Variants in GRIA3 observed in about 807,000 individuals in gnomAD.
The protein encoded by GRIA3 is glutamate receptor 3.
Under a neutral mutation model 63.0 loss-of-function variants are expected in GRIA3, and 3 were observed. The observed-to-expected ratio is 0.05, with a 90% confidence interval of 0.02 to 0.12. GRIA3 has a LOEUF of 0.12. GRIA3 is among the 10% of genes least tolerant of loss of function. The probability of loss-of-function intolerance (pLI) is 1.00; values close to 1 mark genes in which losing one functional copy is unlikely to be tolerated. For synonymous variants in GRIA3, 274 were observed against 257.9 expected, an observed-to-expected ratio of 1.06 and a Z score of -0.60; for missense variants, 347 against 700.9, an observed-to-expected ratio of 0.50 and a Z score of 5.70.
chrX:123,307,634 T>C (rs1232419831), intron 3 of GRIA3, among the ~76,000 whole-genome samples: 1 of 111,868 alleles, frequency 8.9e-6, no homozygotes, highest in Non-Finnish European at 1.9e-5. Flanking sequence ...TAGAGTTTCA[T>C]ATCAGATGCC....
intron 2 of GRIA3, among the ~76,000 whole-genome samples, chrX:123,187,454 G>A (rs958025014): frequency 8.9e-6 from 1 of 112,019 alleles, no homozygotes; most frequent in Non-Finnish European, 1.9e-5. Flanking sequence ...CGAAATGTCT[G>A]TCTATACTTT....
chrX:123,450,191 T>A (rs946053328), intron 12 of GRIA3, among the ~76,000 whole-genome samples: 2 of 112,375 alleles, frequency 1.8e-5, no homozygotes, highest in African/African-American at 6.5e-5. Context: ...ACAGAAGGCA[T>A]GATCTCTAAT....
rs185672082 is a variant in GRIA3 at position 123,205,079 on chromosome X, C to T, written c.268+19089C>T. 9.7e-4 allele frequency among the ~76,000 whole-genome samples: 108 copies of T among 111,475 alleles called. 1 individual carries two copies. Among genetic ancestry groups the T allele is most frequent in the Admixed American group, 1.5e-3 (16 of 10,470 alleles). ...GTTGGCGGCACTTTACTGGGAGCAT[C>T]GGGTAGAAAATCTAATACATAATAA... On this transcript the variant is annotated intron_variant, in intron 2 of 15. Transcript: ENST00000620443.
intron 3 of GRIA3, among the ~76,000 whole-genome samples, chrX:123,318,947 G>A (rs988776291): frequency 8.9e-6 from 1 of 111,940 alleles, no homozygotes; most frequent in African/African-American, 3.2e-5. Context: ...GGGAAGCCTC[G>A]GAATCATGGC....
In GRIA3 at chrX:123,240,210, G is replaced by T. The variant is rs141066099; in HGVS notation, c.269-13093G>T. 5.5e-3 allele frequency among the ~76,000 whole-genome samples: 621 copies of T among 112,092 alleles called. 3 individuals carry two copies. Among genetic ancestry groups the T allele is most frequent in the Non-Finnish European group, 8.4e-3 (449 of 53,171 alleles). On this transcript the variant is annotated intron_variant, in intron 2 of 15. Transcript: ENST00000620443. ...ATGCTTGTCAGATGGACATCTCAGC[G>T]TGGACCTCCTTGGCACAAAGTTTTA...
At chrX:123,317,579 G>T (rs1412321428) in intron 3 of GRIA3, among the ~76,000 whole-genome samples, 3 of 111,710 alleles carry the variant, frequency 2.7e-5, no homozygotes, top group African/African-American at 9.8e-5. Context: ...AATCCAACAG[G>T]GTAGTCAAAT....
intron 13 of GRIA3, chrX:123,465,808 C>T: frequency 9.6e-7 from 1 of 1,041,434 alleles, no homozygotes; most frequent in Non-Finnish European, 1.4e-6. Flanking sequence ...AATGTCACCA[C>T]AACCGGGTAC....
At chrX:123,366,488 A>G (rs1046194875) in intron 5 of GRIA3, among the ~76,000 whole-genome samples, 2 of 111,668 alleles carry the variant, frequency 1.8e-5, no homozygotes, top group Non-Finnish European at 3.8e-5. Context: ...TTGGTATGTC[A>G]AGGGCCATTT....
At chrX:123,227,836 C>T (rs994912738) in intron 2 of GRIA3, among the ~76,000 whole-genome samples, 2 of 112,005 alleles carry the variant, frequency 1.8e-5, no homozygotes, top group Non-Finnish European at 3.8e-5. Context: ...TGCTCTGTCA[C>T]CATCCTTTTC....
intron 3 of GRIA3, among the ~76,000 whole-genome samples, chrX:123,316,643 T>C (rs2044833418): frequency 2.7e-5 from 3 of 112,616 alleles, no homozygotes; most frequent in African/African-American, 9.7e-5. Flanking sequence ...TGTTGCAGAA[T>C]AGTTAAATAA....
At chrX:123,260,306 C>G (rs779571953) in intron 3 of GRIA3, among the ~76,000 whole-genome samples, 10 of 100,794 alleles carry the variant, frequency 9.9e-5, no homozygotes, top group Non-Finnish European at 1.8e-4. Context: ...GGATAGGCCA[C>G]TATCATGAAC....
chrX:123,318,703 G>A (rs752716480), intron 3 of GRIA3, among the ~76,000 whole-genome samples: 22 of 111,742 alleles, frequency 2.0e-4, no homozygotes, highest in Non-Finnish European at 2.3e-4. Context: ...TCTCTAGGAG[G>A]TTCCAAACTT....
At chrX:123,430,115 T>A (rs2045609628) in intron 12 of GRIA3, among the ~76,000 whole-genome samples, 1 of 112,152 alleles carries the variant, frequency 8.9e-6, no homozygotes, top group Non-Finnish European at 1.9e-5. Flanking sequence ...TTAAAGGGCA[T>A]CATATTACCA....
intron 3 of GRIA3, among the ~76,000 whole-genome samples, chrX:123,306,456 A>C (rs2147319038): frequency 8.9e-6 from 1 of 112,103 alleles, no homozygotes; most frequent in East Asian, 2.8e-4. Context: ...CATGTTCTAC[A>C]TTGGAAGCAG....
intron 2 of GRIA3, among the ~76,000 whole-genome samples, chrX:123,250,959 T>C (rs1200133202): frequency 8.9e-6 from 1 of 112,078 alleles, no homozygotes; most frequent in Non-Finnish European, 1.9e-5. Flanking sequence ...TGAGTACATG[T>C]GAGTGTGAGT....
At chrX:123,314,440 A>T (rs954450491) in intron 3 of GRIA3, among the ~76,000 whole-genome samples, 14 of 111,986 alleles carry the variant, frequency 1.3e-4, no homozygotes, top group African/African-American at 4.2e-4. Flanking sequence ...CTTCAATCCA[A>T]ACCCCAGTTG....
intron 5 of GRIA3, among the ~76,000 whole-genome samples, chrX:123,383,816 C>G (rs1309246083): frequency 2.7e-5 from 3 of 110,612 alleles, no homozygotes; most frequent in Non-Finnish European, 5.7e-5. Context: ...AGGTACTAAG[C>G]CTAGGACCCA....
intron 4 of GRIA3, among the ~76,000 whole-genome samples, chrX:123,352,139 G>A (rs1263191806): frequency 1.8e-4 from 19 of 108,215 alleles, no homozygotes; most frequent in Non-Finnish European, 3.8e-5. Flanking sequence ...GGAGTGCAAT[G>A]GCACGATCTC....
intron 12 of GRIA3, among the ~76,000 whole-genome samples, chrX:123,433,678 T>A (rs1290003802): frequency 8.9e-6 from 1 of 111,908 alleles, no homozygotes; most frequent in Non-Finnish European, 1.9e-5. Context: ...AATTTAAACC[T>A]CTTTAAGAAA....
Sources: allele counts gnomAD v4.1 joint callset (sites outside exome capture counted in the v4.1 genomes callset), GRCh38; gene constraint gnomAD v4.1.1; transcripts MANE v1.5; gene names NCBI Gene and HGNC (gene_info 2026-07-23, HGNC 2026-07-21).